SEM1: variants seen among roughly 807,000 people sequenced by gnomAD.
SEM1 encodes the protein SEM1 26S proteasome subunit, also known as 26S proteasome complex subunit SEM1.
SEM1 carries 3 observed loss-of-function variants against 12.7 expected under a neutral mutation model. The observed-to-expected ratio is 0.24, with a 90% CI of 0.11 to 0.61. SEM1 has a LOEUF of 0.61. SEM1 is among the 20% of genes least tolerant of loss of function. The probability of loss-of-function intolerance (pLI) is 0.88; values close to 1 mark genes in which losing one functional copy is unlikely to be tolerated. For synonymous variants in SEM1, 30 were observed against 27.8 expected (o/e 1.08, Z -0.25); for missense variants, 59 against 81.3 (o/e 0.73, Z 1.06).
intron 2 of SEM1, among the ~76,000 whole-genome samples, chr7:96,586,160 A>T (rs4317506): frequency 0.94 from 143,357 of 152,148 alleles, 68,100 homozygotes; most frequent in East Asian, 1. Flanking sequence ...TTAAAAAGGA[A>T]GAAGATGGGA....
At chr7:96,658,921 T>C (rs1374175157) in intron 2 of SEM1, among the ~76,000 whole-genome samples, 1 of 151,870 alleles carries the variant, frequency 6.6e-6, no homozygotes, top group African/African-American at 2.4e-5. Context: ...CTGAACCAAA[T>C]GTTCCCATCC....
chr7:96,657,076 AGT>A (rs1809206268), intron 2 of SEM1, among the ~76,000 whole-genome samples: 1 of 152,172 alleles, frequency 6.6e-6, no homozygotes, highest in Admixed American at 6.5e-5. Context: ...ATAAAATTTA[AGT>A]GGCAGTAAGA....
chr7:96,614,635 G>A (rs1032554634), intron 2 of SEM1, among the ~76,000 whole-genome samples: 2 of 152,242 alleles, frequency 1.3e-5, no homozygotes, highest in East Asian at 3.9e-4. Flanking sequence ...CTTAGCTCCT[G>A]GTGTAACATA....
chr7:96,576,531 T>C (rs112159466), intron 2 of SEM1, among the ~76,000 whole-genome samples: 1 of 152,320 alleles, frequency 6.6e-6, no homozygotes, highest in Non-Finnish European at 1.5e-5. Context: ...AGGTGTATCA[T>C]CTTTTTTATG....
At chr7:96,632,405 G>A (rs1453677340) in intron 2 of SEM1, among the ~76,000 whole-genome samples, 1 of 152,120 alleles carries the variant, frequency 6.6e-6, no homozygotes, top group African/African-American at 2.4e-5. Context: ...CCTTTGCAGG[G>A]ACATGGATGA....
chr7:96,541,054 C>T (rs909816023), intron 2 of SEM1, among the ~76,000 whole-genome samples: 6 of 151,678 alleles, frequency 4.0e-5, no homozygotes, highest in African/African-American at 1.5e-4. Context: ...TATGTGAGTG[C>T]CTGGGTCTTT....
chr7:96,638,623 CTG>C (rs1808500558), intron 2 of SEM1, among the ~76,000 whole-genome samples: 2 of 151,764 alleles, frequency 1.3e-5, no homozygotes. Context: ...ATTTTATACA[CTG>C]TATCTCTTTT....
intron 2 of SEM1, among the ~76,000 whole-genome samples, chr7:96,574,002 T>G (rs944519717): frequency 1.3e-5 from 2 of 152,016 alleles, no homozygotes; most frequent in Admixed American, 1.3e-4. Context: ...TTGTTACATA[T>G]GTATACATGT....
chr7:96,681,863 T>C (rs543587183), intron 2 of SEM1, among the ~76,000 whole-genome samples: 1 of 152,316 alleles, frequency 6.6e-6, no homozygotes, highest in East Asian at 1.9e-4. Flanking sequence ...GTCTTGGCTA[T>C]GCAGGCTCTT....
chr7:96,650,263 A>T (rs1584833438), intron 2 of SEM1: 1 of 448,884 alleles, frequency 2.2e-6, no homozygotes, highest in Non-Finnish European at 3.9e-6. Flanking sequence ...AGAACAAACT[A>T]TGGGAAATTC....
intron 1 of SEM1, among the ~76,000 whole-genome samples, chr7:96,705,732 A>G (rs1790436151): frequency 6.6e-6 from 1 of 151,706 alleles, no homozygotes; most frequent in Non-Finnish European, 1.5e-5. Context: ...AGGCAGGAGA[A>G]TGGTGTGAAC....
intron 2 of SEM1, among the ~76,000 whole-genome samples, chr7:96,518,391 G>C (rs1303619379): frequency 1.3e-5 from 2 of 152,134 alleles, no homozygotes; most frequent in East Asian, 3.9e-4. Context: ...ATGAGTGAAA[G>C]AGCGATGAGT....
At chr7:96,490,344 T>A (rs148290117) in intron 1 of SEM1, among the ~76,000 whole-genome samples, 4 of 152,328 alleles carry the variant, frequency 2.6e-5, no homozygotes, top group African/African-American at 9.6e-5. Context: ...GTAGAAAGAC[T>A]TGTATTCTGT....
intron 2 of SEM1, among the ~76,000 whole-genome samples, chr7:96,579,242 G>A (rs1806305542): frequency 6.6e-6 from 1 of 152,188 alleles, no homozygotes. Context: ...ACTACCATTT[G>A]AAATATAGTT....
At chr7:96,527,433 G>A (rs998746051) in intron 2 of SEM1, among the ~76,000 whole-genome samples, 2 of 152,084 alleles carry the variant, frequency 1.3e-5, no homozygotes, top group African/African-American at 4.8e-5. Context: ...ACCAGGGTGC[G>A]GGTAGCGAGG....
chr7:96,661,134 G>C (rs1788988064), intron 2 of SEM1, among the ~76,000 whole-genome samples: 2 of 151,972 alleles, frequency 1.3e-5, no homozygotes, highest in African/African-American at 4.8e-5. Context: ...GGCACAGAGA[G>C]GTTACATAAG....
At chr7:96,675,032 G>A (rs1789415815) in intron 2 of SEM1, among the ~76,000 whole-genome samples, 1 of 152,142 alleles carries the variant, frequency 6.6e-6, no homozygotes, top group Non-Finnish European at 1.5e-5. Flanking sequence ...AGGCAGCATC[G>A]TTGATTGTCA....
intron 2 of SEM1, among the ~76,000 whole-genome samples, chr7:96,597,021 G>C (rs1807017807): frequency 6.6e-6 from 1 of 152,144 alleles, no homozygotes. Context: ...TGTAACAGGA[G>C]AATGGGGAGT....
intron 2 of SEM1, among the ~76,000 whole-genome samples, chr7:96,538,932 C>G (rs1458844087): frequency 2.6e-5 from 4 of 151,808 alleles, no homozygotes; most frequent in Non-Finnish European, 4.4e-5. Flanking sequence ...AAGGATCTTC[C>G]TCAGATTTTC....
Sources: allele counts gnomAD v4.1 joint callset (sites outside exome capture counted in the v4.1 genomes callset), GRCh38; gene constraint gnomAD v4.1.1; transcripts MANE v1.5; gene names NCBI Gene and HGNC (gene_info 2026-07-23, HGNC 2026-07-21).